Variants in FGF14 observed in about 807,000 individuals in gnomAD.
The protein encoded by FGF14 is fibroblast growth factor homologous factor 4.
FGF14 carries 5 observed loss-of-function variants against 25.5 expected under a neutral mutation model. The ratio of observed to expected loss-of-function variants is 0.20; its 90% confidence interval spans 0.10 to 0.41. The LOEUF (loss-of-function observed/expected upper bound fraction) is 0.41. Ranked by LOEUF, FGF14 falls within the 10% of genes least tolerant of loss-of-function variation. The probability of loss-of-function intolerance (pLI) is 1.00; values close to 1 mark genes in which losing one functional copy is unlikely to be tolerated. For missense variants in FGF14, 222 were observed against 320.1 expected, an observed-to-expected ratio of 0.69 and a Z score of 2.34; for synonymous variants, 138 against 118.3, an observed-to-expected ratio of 1.17 and a Z score of -1.08.
chr13:102,082,898 C>CA (rs1433592471), intron 1 of FGF14, among the ~76,000 whole-genome samples: 5 of 151,846 alleles, frequency 3.3e-5, no homozygotes, highest in African/African-American at 1.2e-4. Context: ...GCGGAGCTTG[C>CA]AGTGAGCCGA....
intron 3 of FGF14, among the ~76,000 whole-genome samples, chr13:101,738,470 G>C (rs2139763793): frequency 6.6e-6 from 1 of 152,242 alleles, no homozygotes; most frequent in Non-Finnish European, 1.5e-5. Flanking sequence ...TATTAGCCGG[G>C]AACACATCGG....
At chr13:102,065,876 A>G (rs996363947) in intron 1 of FGF14, among the ~76,000 whole-genome samples, 3 of 152,112 alleles carry the variant, frequency 2.0e-5, no homozygotes, top group Admixed American at 6.5e-5. Context: ...TTACCAAGTT[A>G]TCAAATAACA....
At chr13:102,318,683 C>T (rs1489984574) in intron 1 of FGF14, among the ~76,000 whole-genome samples, 2 of 152,142 alleles carry the variant, frequency 1.3e-5, no homozygotes, top group Non-Finnish European at 2.9e-5. Context: ...AGGGTCTGCC[C>T]TACTCTAGCA....
At chr13:102,336,917 C>G (rs1594886886) in intron 1 of FGF14, among the ~76,000 whole-genome samples, 1 of 152,192 alleles carries the variant, frequency 6.6e-6, no homozygotes, top group East Asian at 1.9e-4. Flanking sequence ...TTAAGACCTA[C>G]TGTTCAGAAC....
chr13:101,724,664 T>C (rs1033331064), intron 4 of FGF14, among the ~76,000 whole-genome samples: 2 of 61,962 alleles, frequency 3.2e-5, no homozygotes, highest in African/African-American at 1.2e-4. Context: ...AGAGTACCAA[T>C]AATTAACCAG....
chr13:101,931,154 C>A (rs1277083622), intron 1 of FGF14, among the ~76,000 whole-genome samples: 2 of 152,158 alleles, frequency 1.3e-5, no homozygotes, highest in African/African-American at 2.4e-5. Context: ...TTTCAGGAGA[C>A]CTCACTGACG....
chr13:101,724,591 T>C (rs2035243423), intron 4 of FGF14, among the ~76,000 whole-genome samples: 2 of 75,162 alleles, frequency 2.7e-5, no homozygotes, highest in South Asian at 1.1e-3. Flanking sequence ...TAAAGTATAA[T>C]AATAAAATAT....
intron 3 of FGF14, among the ~76,000 whole-genome samples, chr13:101,748,479 G>A (rs182931642): frequency 1.9e-3 from 295 of 151,634 alleles, no homozygotes; most frequent in Non-Finnish European, 2.2e-3. Flanking sequence ...CTGGAGACTT[G>A]AAAGGGGGTG....
intron 3 of FGF14, among the ~76,000 whole-genome samples, chr13:101,778,177 C>A (rs182673903): frequency 6.6e-6 from 1 of 152,274 alleles, no homozygotes; most frequent in Non-Finnish European, 1.5e-5. Flanking sequence ...TGTTATTTTA[C>A]CCAGTTGGAA....
chr13:102,157,136 T>C (rs2140538699), intron 1 of FGF14, among the ~76,000 whole-genome samples: 1 of 152,298 alleles, frequency 6.6e-6, no homozygotes, highest in East Asian at 1.9e-4. Flanking sequence ...ATGACTTTCT[T>C]CACAGAATTG....
At chr13:101,756,596 G>C (rs150491712) in intron 3 of FGF14, among the ~76,000 whole-genome samples, 1 of 152,142 alleles carries the variant, frequency 6.6e-6, no homozygotes, top group Non-Finnish European at 1.5e-5. Context: ...AGCCGGGTGC[G>C]GTGGCACATG....
At chr13:101,959,815 G>C (rs2036732400) in intron 1 of FGF14, among the ~76,000 whole-genome samples, 1 of 152,134 alleles carries the variant, frequency 6.6e-6, no homozygotes, top group South Asian at 2.1e-4. Flanking sequence ...GAGAATTCCA[G>C]TCATGCTTCA....
intron 1 of FGF14, among the ~76,000 whole-genome samples, chr13:101,971,779 ATCTGAC>A (rs1262587055): frequency 6.6e-6 from 1 of 152,366 alleles, no homozygotes; most frequent in East Asian, 1.9e-4. Context: ...CAGAGTTGGT[ATCTGAC>A]TCTAAGACAG....
chr13:102,152,456 T>C (rs1372061243), intron 1 of FGF14, among the ~76,000 whole-genome samples: 1 of 152,236 alleles, frequency 6.6e-6, no homozygotes, highest in Non-Finnish European at 1.5e-5. Context: ...CCTCTGTGTG[T>C]GTCTGTGTCA....
chr13:102,107,763 TG>T (rs1258168610), intron 1 of FGF14, among the ~76,000 whole-genome samples: 1 of 152,186 alleles, frequency 6.6e-6, no homozygotes, highest in Non-Finnish European at 1.5e-5. Context: ...GATGGCATTC[TG>T]GGCAGATGGA....
chr13:102,295,094 A>C (rs776495347), intron 1 of FGF14, among the ~76,000 whole-genome samples: 1 of 152,154 alleles, frequency 6.6e-6, no homozygotes, highest in Non-Finnish European at 1.5e-5. Flanking sequence ...CACCCATAGG[A>C]GTTTAAAACC....
chr13:102,257,800 A>C (rs1432802974), intron 1 of FGF14, among the ~76,000 whole-genome samples: 1 of 152,128 alleles, frequency 6.6e-6, no homozygotes, highest in Admixed American at 6.5e-5. Context: ...GACAGTCTGC[A>C]GTGTTTCTGG....
intron 1 of FGF14, among the ~76,000 whole-genome samples, chr13:102,336,286 C>T (rs1389286992): frequency 1.3e-5 from 2 of 152,138 alleles, no homozygotes; most frequent in African/African-American, 4.8e-5. Context: ...GAAAGTGAGA[C>T]CGCCTTATTG....
intron 3 of FGF14, among the ~76,000 whole-genome samples, chr13:101,728,907 C>G (rs551100354): frequency 6.6e-6 from 1 of 152,136 alleles, no homozygotes; most frequent in African/African-American, 2.4e-5. Flanking sequence ...GCCATAATGT[C>G]CAAAACATGA....
Sources: gnomAD v4.1 joint callset for allele counts (sites outside exome capture counted in the v4.1 genomes callset) on GRCh38, gnomAD v4.1.1 for gene constraint, MANE v1.5 for transcripts, NCBI Gene and HGNC (gene_info 2026-07-23, HGNC 2026-07-21) for gene names.